UBN2: variants seen among roughly 807,000 people sequenced by gnomAD.
The protein encoded by UBN2 is ubinuclein-2.
A neutral mutation model predicts 120.2 loss-of-function variants in UBN2; 35 were observed. The ratio of observed to expected loss-of-function variants is 0.29; its 90% CI spans 0.22 to 0.39. The LOEUF is 0.39. Ranked by LOEUF, UBN2 falls within the 10% of genes least tolerant of loss-of-function variation. UBN2 has a pLI of 1.00. For synonymous variants in UBN2, 661 were observed against 648.7 expected (o/e 1.02, Z -0.29); for missense variants, 1,693 against 1,663.2 (o/e 1.02, Z -0.31).
chr7:139,258,205 A>G (rs1455378306), intron 3 of UBN2, among the ~76,000 whole-genome samples: 1 of 152,248 alleles, frequency 6.6e-6, no homozygotes, highest in East Asian at 1.9e-4. Flanking sequence ...GTGGGAAGGA[A>G]GAAAAAGGAA....
chr7:139,312,264 C>T (rs546364321), downstream of UBN2, among the ~76,000 whole-genome samples: 9 of 152,262 alleles, frequency 5.9e-5, no homozygotes, highest in South Asian at 2.1e-4. Flanking sequence ...AGTGTTGTGT[C>T]GTGTGTATAC....
chr7:139,268,012 G>A lies in UBN2; in HGVS notation c.1467-1382G>A, dbSNP rs1217525459. On this transcript the variant is annotated intron_variant, in intron 7 of 17. Coordinates refer to ENST00000473989, the MANE Select transcript of UBN2 (RefSeq NM_173569.4). ...TCTTTTTCTTTCCACCTGGGAACCC[G>A]AAGTGTGATCAGGTCCTTCTCTTGT... Among the ~76,000 whole-genome samples, 5 of 152,286 alleles carry A rather than the reference G, an allele frequency of 3.3e-5. 1 individual carries two copies. The highest frequency in any genetic ancestry group is 5.9e-5 in the Non-Finnish European group (4 of 68,034).
chr7:139,282,758 T>C (rs1299164543), intron 14 of UBN2, among the ~76,000 whole-genome samples: 1 of 152,144 alleles, frequency 6.6e-6, no homozygotes, highest in Non-Finnish European at 1.5e-5. Flanking sequence ...GGGAGGCTCA[T>C]CAGTAATGTA....
intron 2 of UBN2, among the ~76,000 whole-genome samples, chr7:139,242,782 A>AT (rs1367593008): frequency 6.6e-6 from 1 of 152,188 alleles, no homozygotes; most frequent in African/African-American, 2.4e-5. Flanking sequence ...ATATGTGGTG[A>AT]TTATAGAAGT....
intron 11 of UBN2, among the ~76,000 whole-genome samples, chr7:139,275,858 C>G (rs1242153797): frequency 6.6e-6 from 1 of 152,090 alleles, no homozygotes; most frequent in Non-Finnish European, 1.5e-5. Flanking sequence ...ACCTGTAATT[C>G]CAGCTTCTTT....
At chr7:139,313,845 C>T in the UBN2 span, among the ~76,000 whole-genome samples, 4 of 144,094 alleles carry the variant, frequency 2.8e-5, no homozygotes, top group South Asian at 2.1e-4. Flanking sequence ...TCAACAATGA[C>T]AGAATTTTTT....
intron 2 of UBN2, among the ~76,000 whole-genome samples, chr7:139,240,626 C>A (rs1796295534): frequency 6.6e-6 from 1 of 151,860 alleles, no homozygotes; most frequent in East Asian, 1.9e-4. Context: ...GCAGGTGTTG[C>A]AGCAGTTGAA....
intron 9 of UBN2, among the ~76,000 whole-genome samples, 161 bp from the exon 10 acceptor site, chr7:139,273,136 T>C (rs1394476884): frequency 6.6e-6 from 1 of 152,242 alleles, no homozygotes; most frequent in Non-Finnish European, 1.5e-5. Flanking sequence ...CAAACTACTT[T>C]ATAACTCCTT....
chr7:139,309,648 A>G (rs1323279265), downstream of UBN2, among the ~76,000 whole-genome samples: 1 of 152,164 alleles, frequency 6.6e-6, no homozygotes, highest in Admixed American at 6.5e-5. Context: ...AGGCCGGTGG[A>G]TCACCTGAGG....
At position 139,237,031 on chromosome 7, in the gene UBN2, A is replaced by G; in HGVS notation, c.495A>G (p.Pro165=). The G allele has an allele frequency of 6.2e-7, 1 of 1,611,588 alleles. No homozygotes were observed. The highest frequency in any genetic ancestry group is 1.1e-5 in the South Asian group (1 of 90,974). Residue 165 remains proline, a synonymous_variant, in exon 2 of 18, where the codon CCA becomes CCG. Coordinates refer to ENST00000473989, the MANE Select transcript of UBN2 (RefSeq NM_173569.4). The part of the protein sequence containing the change: ...QRKKLIHTED[P]FNDEHQERQE... The stretch of plus-strand genomic sequence containing the variant: ...AGAAGCTCATTCACACAGAAGACCC[A>G]TTTAATGATGAACATCAGGAGAGGC...
rs1158659282 is a variant in UBN2 at position 139,304,158 on chromosome 7, A to C, written c.*6322A>C. On this transcript the variant is annotated 3_prime_UTR_variant, in exon 18 of 18. Transcript: ENST00000473989. ...TAACTGTAGGTGTATCCAGCTCTGCACTGAAGGGGTGAGCACTACACACAG... is the reference window on the plus strand; with the variant it reads ...TAACTGTAGGTGTATCCAGCTCTGCCCTGAAGGGGTGAGCACTACACACAG... The C allele has an allele frequency of 6.6e-6, 1 of 152,142 alleles. No individual in the cohort carries two copies. Among genetic ancestry groups the C allele is most frequent in the Non-Finnish European group, 1.5e-5 (1 of 68,024 alleles). The allele number at this position is 152,142 out of a possible 1,614,324, so 9.4% of individuals were successfully genotyped here.
In UBN2 at chr7:139,283,848, C is replaced by G. The variant is rs766203971; in HGVS notation, c.2943C>G (p.Arg981=). The G allele has an allele frequency of 1.9e-6, 3 of 1,614,146 alleles. No homozygotes were observed. In the East Asian group the frequency reaches 6.7e-5, roughly 36 times the overall value. ...IKTSDKPLMY[R]LPLSTPSPGN... ...CTTCAGATAAGCCACTTATGTACCGCCTTCCCTTATCTACCCCCTCACCTG... is the reference window on the plus strand; with the variant it reads ...CTTCAGATAAGCCACTTATGTACCGGCTTCCCTTATCTACCCCCTCACCTG... Residue 981 remains arginine (R), a synonymous_variant, in exon 15 of 18, where the codon CGC becomes CGG. Transcript: ENST00000473989.
the UBN2 span, among the ~76,000 whole-genome samples, chr7:139,321,363 G>A: frequency 6.6e-6 from 1 of 152,216 alleles, no homozygotes; most frequent in Non-Finnish European, 1.5e-5. Flanking sequence ...GCCAAATAAG[G>A]GAGCACTTCA....
intron 11 of UBN2, among the ~76,000 whole-genome samples, chr7:139,275,789 A>G (rs1797426685): frequency 6.6e-6 from 1 of 151,984 alleles, no homozygotes; most frequent in Non-Finnish European, 1.5e-5. Context: ...CCTGGGCAGC[A>G]TAGTGAGACC....
intron 3 of UBN2, among the ~76,000 whole-genome samples, chr7:139,254,153 C>T (rs1469692622): frequency 3.3e-5 from 5 of 151,994 alleles, no homozygotes; most frequent in Non-Finnish European, 7.4e-5. Context: ...ATTAGCCGGG[C>T]GTGGTGGCGG....
At chr7:139,329,301 C>T in the UBN2 span, among the ~76,000 whole-genome samples, 3 of 150,724 alleles carry the variant, frequency 2.0e-5, no homozygotes, top group African/African-American at 7.3e-5. Context: ...AAGGAGAAAT[C>T]GGATACTCTT....
chr7:139,322,774 A>G, the UBN2 span, among the ~76,000 whole-genome samples: 2 of 151,638 alleles, frequency 1.3e-5, no homozygotes, highest in Admixed American at 1.3e-4. Flanking sequence ...TCCTGACCTC[A>G]TGATCTGCCC....
chr7:139,265,284 C>T (rs926427355), intron 6 of UBN2, among the ~76,000 whole-genome samples: 1 of 152,052 alleles, frequency 6.6e-6, no homozygotes, highest in Non-Finnish European at 1.5e-5. Flanking sequence ...CAAGACCATC[C>T]TGGCTAACAC....
downstream of UBN2, among the ~76,000 whole-genome samples, chr7:139,312,323 CTACT>C (rs1445934321): frequency 3.9e-5 from 6 of 152,176 alleles, no homozygotes; most frequent in East Asian, 1.9e-4. Context: ...TTACTGTTTT[CTACT>C]TACTTAGATA....
Sources: gnomAD v4.1 joint callset for allele counts (sites outside exome capture counted in the v4.1 genomes callset) on GRCh38, gnomAD v4.1.1 for gene constraint, MANE v1.5 for transcripts, NCBI Gene and HGNC (gene_info 2026-07-23, HGNC 2026-07-21) for gene names.